The following HIPK2 variants were observed in gnomAD, a reference collection of about 807,000 sequenced individuals.
HIPK2 encodes homeodomain-interacting protein kinase 2.
Under a neutral mutation model 113.7 loss-of-function variants are expected in HIPK2, and 27 were observed. The observed-to-expected ratio is 0.24, with a 90% CI of 0.17 to 0.33. The LOEUF (loss-of-function observed/expected upper bound fraction) is 0.33, where lower values mean the gene tolerates loss of function less well. Ranked by LOEUF, HIPK2 falls within the 10% of genes least tolerant of loss-of-function variation. The pLI, the probability that HIPK2 is intolerant of heterozygous loss-of-function variation, is 1.00. For missense variants in HIPK2, 1,257 were observed against 1,588.0 expected (o/e 0.79, Z 3.54); for synonymous variants, 631 against 642.2 (o/e 0.98, Z 0.26).
intron 1 of HIPK2, among the ~76,000 whole-genome samples, chr7:139,721,382 T>G (rs1157639971): frequency 6.6e-6 from 1 of 152,230 alleles, no homozygotes; most frequent in African/African-American, 2.4e-5. Flanking sequence ...CTTGAGAGTA[T>G]TTCTCTGGAA....
Position 139,613,286 on chromosome 7 carries a change from C to T in HIPK2, c.2028G>A (p.Ser676=), listed in dbSNP as rs776337956. 2.5e-6 allele frequency: 4 copies of T among 1,613,336 alleles called. No homozygotes were observed. The highest frequency in any genetic ancestry group is 2.2e-5 in the South Asian group (2 of 90,956). ...QASPSKHAGY[S]VRMENAVPIV... is the part of the protein sequence containing the mutation. The stretch of plus-strand genomic sequence containing the variant: ...TGGGAACTGCATTTTCCATTCGCAC[C>T]GAGTAGCCAGCGTGCTTAGAGGGAG... Residue 676 remains serine, a synonymous_variant, in exon 9 of 15, where the codon TCG becomes TCA. Coordinates refer to ENST00000406875, the MANE Select transcript of HIPK2 (RefSeq NM_022740.5). The surrounding 1 kb of genome is among the most constrained non-coding windows in gnomAD (Gnocchi z 4.2).
At chr7:139,646,339 T>A (rs1181450408) in intron 2 of HIPK2, among the ~76,000 whole-genome samples, 2 of 151,644 alleles carry the variant, frequency 1.3e-5, no homozygotes, top group South Asian at 2.1e-4. Flanking sequence ...CTACAAAAAA[T>A]TTTTTAAAAA....
At chr7:139,717,822 G>A (rs1569480271) in intron 1 of HIPK2, among the ~76,000 whole-genome samples, 1 of 151,994 alleles carries the variant, frequency 6.6e-6, no homozygotes, top group Non-Finnish European at 1.5e-5. Context: ...TCGGCTCACT[G>A]CCACCTCTGC....
chr7:139,690,238 T>C (rs1290484962), intron 2 of HIPK2, among the ~76,000 whole-genome samples: 3 of 152,124 alleles, frequency 2.0e-5, no homozygotes, highest in East Asian at 3.9e-4. Context: ...CAAGGGCCAT[T>C]TGCTAGAGCA....
At position 139,631,225 on chromosome 7, in the gene HIPK2, T is replaced by C; in HGVS notation, c.1287A>G (p.Thr429=). ...CACGGTTGAAAAACCTAGTTGTCTT[T>C]GTCCCGGCGCTTAATAAATATTCAG... The part of the protein sequence containing the change: ...LPAEYLLSAG[T]KTTRFFNRDT... Residue 429 remains threonine (T), a synonymous_variant, in exon 4 of 15, where the codon ACA becomes ACG. Coordinates refer to ENST00000406875, the MANE Select transcript of HIPK2 (RefSeq NM_022740.5). The surrounding 1 kb of genome is among the most constrained non-coding windows in gnomAD (Gnocchi z 4.9). 2 of 1,613,846 alleles carry C rather than the reference T, an allele frequency of 1.2e-6. No individual in the cohort carries two copies. Among genetic ancestry groups the C allele is most frequent in the South Asian group, 1.1e-5 (1 of 90,980 alleles).
chr7:139,755,283 T>C (rs941180145), intron 1 of HIPK2, among the ~76,000 whole-genome samples: 6 of 152,216 alleles, frequency 3.9e-5, no homozygotes, highest in African/African-American at 1.2e-4. Flanking sequence ...CAGACCGACA[T>C]ACCACAAACC....
chr7:139,764,183 G>A (rs1796516114), intron 1 of HIPK2, among the ~76,000 whole-genome samples: 1 of 152,220 alleles, frequency 6.6e-6, no homozygotes, highest in Non-Finnish European at 1.5e-5. Context: ...ACCAACATAT[G>A]TAATGCTATA....
At chr7:139,724,140 TG>T (rs1374411857) in intron 1 of HIPK2, among the ~76,000 whole-genome samples, 1 of 152,100 alleles carries the variant, frequency 6.6e-6, no homozygotes, top group African/African-American at 2.4e-5. Flanking sequence ...AATATATGAA[TG>T]TTGGAAATAT....
chr7:139,563,807 C>T lies in HIPK2; in HGVS notation c.*9120G>A, dbSNP rs1360259213. The T allele has an allele frequency of 2.5e-6, 1 of 398,584 alleles. No homozygotes were observed. Among genetic ancestry groups the T allele is most frequent in the East Asian group, 3.6e-5 (1 of 28,078 alleles). 24.7% of individuals were successfully genotyped at this position (398,584 alleles called of 1,614,324 possible). On this transcript the variant is annotated 3_prime_UTR_variant, in exon 15 of 15. Transcript: ENST00000406875. ...TTTTTTTGTATTTTTTAAAAGCTCC[C>T]TGGTCCCAGGTGTTTTGCAGTTTTC... is the stretch of plus-strand genomic sequence containing the variant.
At chr7:139,664,113 T>G (rs1026721914) in intron 2 of HIPK2, among the ~76,000 whole-genome samples, 1 of 151,748 alleles carries the variant, frequency 6.6e-6, no homozygotes, top group African/African-American at 2.4e-5. Flanking sequence ...TGATCCAGGT[T>G]TCTCCTGAAG....
chr7:139,692,697 T>C (rs1172625379), intron 2 of HIPK2, among the ~76,000 whole-genome samples: 3 of 152,106 alleles, frequency 2.0e-5, no homozygotes. Context: ...TTAATCACAA[T>C]AGCATCTATA....
At chr7:139,705,952 A>C (rs1378595095) in intron 2 of HIPK2, among the ~76,000 whole-genome samples, 2 of 152,164 alleles carry the variant, frequency 1.3e-5, no homozygotes, top group East Asian at 3.9e-4. Flanking sequence ...GCTCTTACGT[A>C]CGAAGACAAA....
At chr7:139,632,715 A>G (rs1416453655) in intron 2 of HIPK2, among the ~76,000 whole-genome samples, 1 of 152,230 alleles carries the variant, frequency 6.6e-6, no homozygotes, top group African/African-American at 2.4e-5. Flanking sequence ...ATGATTAGGT[A>G]GGGGTATGTT....
chr7:139,618,630 C>T (rs1308854776), intron 7 of HIPK2, among the ~76,000 whole-genome samples: 1 of 152,208 alleles, frequency 6.6e-6, no homozygotes, highest in Non-Finnish European at 1.5e-5. Flanking sequence ...GATATGCTGG[C>T]TGTCATATCA....
At position 139,683,321 on chromosome 7, in the gene HIPK2, T is replaced by C. The variant is rs1186801005; in HGVS notation, c.1103+32611A>G. Among the ~76,000 whole-genome samples, 1 of 152,204 alleles carries C rather than the reference T, an allele frequency of 6.6e-6. No individual in the cohort carries two copies. Among genetic ancestry groups the C allele is most frequent in the Non-Finnish European group, 1.5e-5 (1 of 68,024 alleles). On this transcript the variant is annotated intron_variant, in intron 2 of 14. Transcript: ENST00000406875. The surrounding 1 kb of genome is among the most constrained non-coding windows in gnomAD (Gnocchi z 4.2). ...CCTTAAAATAACCATTACTTCATGGTTGCTCTAGGCCAGTGCTTCAGCAGC... is the reference window on the plus strand; with the variant it reads ...CCTTAAAATAACCATTACTTCATGGCTGCTCTAGGCCAGTGCTTCAGCAGC...
chr7:139,621,998 T>C (rs886141293), intron 6 of HIPK2, among the ~76,000 whole-genome samples: 2 of 151,826 alleles, frequency 1.3e-5, no homozygotes, highest in African/African-American at 4.8e-5. Flanking sequence ...ATGTCTATTT[T>C]AATTATAAAA....
At chr7:139,646,246 A>T (rs1267014231) in intron 2 of HIPK2, among the ~76,000 whole-genome samples, 2 of 152,208 alleles carry the variant, frequency 1.3e-5, no homozygotes, top group Non-Finnish European at 2.9e-5. Flanking sequence ...ATGCACTGCC[A>T]GCACTTTGGG....
intron 1 of HIPK2, among the ~76,000 whole-genome samples, chr7:139,752,748 A>G (rs1796299253): frequency 6.6e-6 from 1 of 151,344 alleles, no homozygotes; most frequent in Admixed American, 6.6e-5. Flanking sequence ...AAAGAAAAAG[A>G]GAAAGAAAAC....
chr7:139,626,013 C>G (rs545470524), intron 6 of HIPK2, among the ~76,000 whole-genome samples: 3 of 152,190 alleles, frequency 2.0e-5, no homozygotes, highest in Non-Finnish European at 4.4e-5. Context: ...TCATCCAGCT[C>G]TGTGCTCTCC....
Sources: allele counts gnomAD v4.1 joint callset (sites outside exome capture counted in the v4.1 genomes callset), GRCh38; gene constraint gnomAD v4.1.1; non-coding constraint Gnocchi (gnomAD v3.1); transcripts MANE v1.5; gene names NCBI Gene and HGNC (gene_info 2026-07-23, HGNC 2026-07-21).